VRK2: variants seen among roughly 807,000 people sequenced by gnomAD.
VRK2 encodes the protein serine/threonine-protein kinase VRK2.
A neutral mutation model predicts 57.6 loss-of-function variants in VRK2; 60 were observed. That is an observed-to-expected ratio of 1.04 (90% CI 0.85 to 1.29). The LOEUF is 1.29. VRK2 is among the 50% of genes most tolerant of loss of function. The probability of loss-of-function intolerance (pLI) is 0.00; values close to 1 mark genes in which losing one functional copy is unlikely to be tolerated. For synonymous variants in VRK2, 231 were observed against 199.2 expected, an observed-to-expected ratio of 1.16 and a Z score of -1.35; for missense variants, 705 against 588.1, an observed-to-expected ratio of 1.20 and a Z score of -2.06.
chr2:58,102,084 G>A (rs752463173), intron 7 of VRK2, among the ~76,000 whole-genome samples: 1 of 151,518 alleles, frequency 6.6e-6, no homozygotes, highest in African/African-American at 2.4e-5. Flanking sequence ...TACCCAATGT[G>A]TCAAAAGATC....
chr2:57,991,789 T>C (rs953006127), intron 1 of VRK2, among the ~76,000 whole-genome samples: 2 of 96,876 alleles, frequency 2.1e-5, no homozygotes, highest in Non-Finnish European at 4.2e-5. Flanking sequence ...CTACTAAAAA[T>C]ACAAAAAAAA....
At chr2:57,966,229 G>C (rs72808482) in intron 1 of VRK2, among the ~76,000 whole-genome samples, 17 of 152,232 alleles carry the variant, frequency 1.1e-4, no homozygotes, top group East Asian at 3.9e-4. Flanking sequence ...TGGGCATTAT[G>C]ATGAGCCAAA....
chr2:58,080,234 T>C (rs1670667758), intron 2 of VRK2, among the ~76,000 whole-genome samples: 1 of 152,016 alleles, frequency 6.6e-6, no homozygotes, highest in East Asian at 1.9e-4. Context: ...GATTTCCTTT[T>C]TCCCCAGAGA....
intron 2 of VRK2, 141 bp downstream of exon 2, chr2:58,049,108 A>T: frequency 9.1e-7 from 1 of 1,096,028 alleles, no homozygotes; most frequent in African/African-American, 1.6e-5. Context: ...TTAAGTAATA[A>T]TAGAGTACAG....
In VRK2 at chr2:57,959,708, T is replaced by C. The variant is rs537613371; in HGVS notation, c.-439+51869T>C. ...GACAGCTTAATTAACCCTTGGAAAA[T>C]ACAATTTATCCAGAGGCTCGGCAGG... On this transcript the variant is annotated intron_variant, in intron 1 of 15. Coordinates refer to the VRK2 transcript ENST00000417641. Among the ~76,000 whole-genome samples, 108 of 152,276 alleles carry C rather than the reference T, an allele frequency of 7.1e-4. 2 individuals carry two copies. The highest frequency in any genetic ancestry group is 2.3e-3 in the African/African-American group (96 of 41,546).
intron 9 of VRK2, among the ~76,000 whole-genome samples, chr2:58,134,396 G>C (rs146614058): frequency 6.6e-6 from 1 of 151,794 alleles, no homozygotes; most frequent in East Asian, 1.9e-4. Context: ...TGGATCATGA[G>C]GTCAGGAGAT....
intron 1 of VRK2, among the ~76,000 whole-genome samples, chr2:58,010,008 A>C (rs1382122215): frequency 6.6e-6 from 1 of 152,170 alleles, no homozygotes; most frequent in Non-Finnish European, 1.5e-5. Flanking sequence ...GAAGCACAAT[A>C]GGTATGTACA....
chr2:58,159,014 A>T (rs1684547504), intron 12 of VRK2, among the ~76,000 whole-genome samples: 1 of 152,086 alleles, frequency 6.6e-6, no homozygotes, highest in Non-Finnish European at 1.5e-5. Flanking sequence ...TACCCCCTTA[A>T]GATTAAGCCC....
chr2:57,999,606 G>A (rs1673028714), intron 1 of VRK2, among the ~76,000 whole-genome samples: 1 of 152,096 alleles, frequency 6.6e-6, no homozygotes, highest in South Asian at 2.1e-4. Flanking sequence ...AATTTTGAAA[G>A]AATGTTACTG....
At chr2:58,015,289 T>C (rs1673546675) in intron 1 of VRK2, among the ~76,000 whole-genome samples, 1 of 152,214 alleles carries the variant, frequency 6.6e-6, no homozygotes, top group South Asian at 2.1e-4. Context: ...TTCCGCTTTT[T>C]AAATTCAACT....
At chr2:58,136,951 A>G (rs1182264912) in intron 10 of VRK2, among the ~76,000 whole-genome samples, 1 of 134,450 alleles carries the variant, frequency 7.4e-6, no homozygotes, top group Non-Finnish European at 1.5e-5. Flanking sequence ...TATATATCAT[A>G]TATGTGTATA....
chr2:58,121,107 G>A (rs1295388048), intron 7 of VRK2, among the ~76,000 whole-genome samples: 1 of 152,168 alleles, frequency 6.6e-6, no homozygotes, highest in Non-Finnish European at 1.5e-5. Context: ...TACTACACAA[G>A]CCACATAACC....
intron 1 of VRK2, among the ~76,000 whole-genome samples, chr2:57,972,657 T>C (rs943955501): frequency 5.3e-5 from 8 of 151,872 alleles, no homozygotes; most frequent in African/African-American, 1.9e-4. Context: ...GTCTTAATTT[T>C]TAATATTTAT....
At position 58,135,201 on chromosome 2, in the gene VRK2, T is replaced by G; in HGVS notation, c.856+2T>G. The G allele has an allele frequency of 6.2e-7, 1 of 1,614,158 alleles. No individual in the cohort carries two copies. Among genetic ancestry groups the G allele is most frequent in the Non-Finnish European group, 8.5e-7 (1 of 1,180,008 alleles). On this transcript the variant is annotated splice_donor_variant, in intron 10 of 12. Transcript: ENST00000340157. LOFTEE classifies it high-confidence loss of function. ...GGGCTCCTTCTGGAAGCAGTTGCTG[T>G]AAGTCAAATAATAACTTCAACCTTC...
At chr2:58,058,526 ATGTTACCAAAG>A (rs1179415609) in intron 2 of VRK2, 1 of 396,020 alleles carries the variant, frequency 2.5e-6, no homozygotes, top group Admixed American at 3.3e-5. Flanking sequence ...CTTAGACATA[ATGTTACCAAAG>A]TCTCACTGAT....
chr2:58,005,627 T>C (rs1005997865), intron 1 of VRK2, among the ~76,000 whole-genome samples: 10 of 151,970 alleles, frequency 6.6e-5, no homozygotes, highest in Non-Finnish European at 1.0e-4. Flanking sequence ...ATAAAACATA[T>C]GTAAGATATA....
chr2:58,118,030 C>G (rs1307499229), intron 7 of VRK2, among the ~76,000 whole-genome samples: 2 of 152,128 alleles, frequency 1.3e-5, no homozygotes, highest in Non-Finnish European at 2.9e-5. Flanking sequence ...ATTGGGGGTT[C>G]TTGCCCCCTA....
intron 7 of VRK2, among the ~76,000 whole-genome samples, chr2:58,120,325 G>C (rs1022286982): frequency 1.3e-5 from 2 of 150,964 alleles, no homozygotes; most frequent in African/African-American, 4.9e-5. Flanking sequence ...TGAGTAGCTC[G>C]GATTACAAAT....
chr2:58,061,635 AATC>A (rs1394277860), intron 2 of VRK2, among the ~76,000 whole-genome samples: 2 of 152,134 alleles, frequency 1.3e-5, no homozygotes, highest in East Asian at 3.9e-4. Flanking sequence ...CCACAGTAAA[AATC>A]ATTAAGAGAG....
Sources: allele counts gnomAD v4.1 joint callset (sites outside exome capture counted in the v4.1 genomes callset), GRCh38; gene constraint gnomAD v4.1.1; transcripts MANE v1.5; gene names NCBI Gene and HGNC (gene_info 2026-07-23, HGNC 2026-07-21).